PRUNE2: variants seen among roughly 807,000 people sequenced by gnomAD.
PRUNE2 encodes prune homolog 2 with BCH domain, also known as protein prune homolog 2.
In PRUNE2, 164 loss-of-function variants were observed where a neutral mutation model predicts 252.0. The observed-to-expected ratio is 0.65, with a 90% CI of 0.57 to 0.74. The LOEUF is 0.74. PRUNE2 is among the 30% of genes least tolerant of loss of function. The pLI, the probability that PRUNE2 is intolerant of heterozygous loss-of-function variation, is 0.00. For missense variants in PRUNE2, 3,495 were observed against 3,711.0 expected, an observed-to-expected ratio of 0.94 and a Z score of 1.51; for synonymous variants, 1,292 against 1,350.2, an observed-to-expected ratio of 0.96 and a Z score of 0.94.
At chr9:76,722,711 A>C (rs1487979586) in intron 6 of PRUNE2, among the ~76,000 whole-genome samples, 2 of 152,102 alleles carry the variant, frequency 1.3e-5, no homozygotes, top group African/African-American at 4.8e-5. Flanking sequence ...TGCCCCTGTG[A>C]GATAGGTAAC....
chr9:76,706,926 T>C lies in PRUNE2; in HGVS notation c.5348A>G (p.Glu1783Gly). ...TTCTGGAGAAGATCTCTTCTCCTTC[T>C]CCACTGCTGTAATCTGCATTTCAGT... ...TETEMQITAVEKEKRSSPETG... is the reference protein window; with the variant it reads ...TETEMQITAVGKEKRSSPETG... Residue 1783 changes from glutamate (E) to glycine (G), a missense_variant, in exon 8 of 19, where the codon GAG (glutamate) becomes GGG (glycine). Coordinates refer to ENST00000376718, the MANE Select transcript of PRUNE2 (RefSeq NM_015225.3). 1 of 1,608,264 alleles carries C rather than the reference T, an allele frequency of 6.2e-7. No individual in the cohort carries two copies. Among genetic ancestry groups the C allele is most frequent in the Non-Finnish European group, 8.5e-7 (1 of 1,176,922 alleles).
At chr9:76,702,197 T>C (rs150617730) in intron 9 of PRUNE2, among the ~76,000 whole-genome samples, 3,273 of 152,010 alleles carry the variant, frequency 0.022, 40 homozygotes, top group Middle Eastern at 0.031. Flanking sequence ...GTAGCTGGGA[T>C]TACAGGTGCT....
intron 9 of PRUNE2, among the ~76,000 whole-genome samples, chr9:76,657,058 C>G (rs111340353): frequency 2.6e-5 from 4 of 152,158 alleles, no homozygotes; most frequent in Admixed American, 2.0e-4. Context: ...AGATCTGCAC[C>G]AGGCCCCAGT....
chr9:76,763,365 T>C (rs956377685), intron 6 of PRUNE2, among the ~76,000 whole-genome samples: 2 of 152,208 alleles, frequency 1.3e-5, no homozygotes, highest in African/African-American at 4.8e-5. Flanking sequence ...TAAGTATTAA[T>C]AGGCTTTGCA....
chr9:76,695,029 TA>T (rs1010310423), intron 9 of PRUNE2, among the ~76,000 whole-genome samples: 1 of 152,142 alleles, frequency 6.6e-6, no homozygotes, highest in African/African-American at 2.4e-5. Context: ...TCCTCTCTAA[TA>T]AAAAAAGTTA....
chr9:76,711,377 A>G lies in PRUNE2; in HGVS notation c.916-19T>C. On this transcript the variant is annotated intron_variant, in intron 7 of 18. Coordinates refer to ENST00000376718, the MANE Select transcript of PRUNE2 (RefSeq NM_015225.3). ...AGCAAATCTGTCGGAAGGCACAGGAATTTGTGTCAGCACTCAAGCACTGTT... is the reference window on the plus strand; with the variant it reads ...AGCAAATCTGTCGGAAGGCACAGGAGTTTGTGTCAGCACTCAAGCACTGTT... 1.3e-6 allele frequency: 2 copies of G among 1,574,888 alleles called. No individual in the cohort carries two copies. The highest frequency in any genetic ancestry group is 1.7e-6 in the Non-Finnish European group (2 of 1,153,786).
rs543062727 is a variant in PRUNE2, at chr9:76,678,726, G to A, written c.8277-23224C>T. 3.3e-4 allele frequency among the ~76,000 whole-genome samples: 50 copies of A among 152,302 alleles called. No individual in the cohort carries two copies. The East Asian group carries it at 9.3e-3, about 28-fold the overall frequency. ...CGCCTGTAGTCCCAGCTACTTGGAG[G>A]CTGAGGCAGGAGAATGGTGTGAACC... On this transcript the variant is annotated intron_variant, in intron 9 of 18. Coordinates refer to ENST00000376718, the MANE Select transcript of PRUNE2 (RefSeq NM_015225.3).
chr9:76,664,655 G>A (rs767716255), intron 9 of PRUNE2, among the ~76,000 whole-genome samples: 4 of 152,014 alleles, frequency 2.6e-5, no homozygotes, highest in African/African-American at 4.8e-5. Context: ...CGAGTAGCTG[G>A]GATTACAGAC....
chr9:76,878,698 G>C (rs766436862), intron 1 of PRUNE2, among the ~76,000 whole-genome samples: 1 of 152,034 alleles, frequency 6.6e-6, no homozygotes. Context: ...ATTAGGATTA[G>C]AGCATTTCTT....
chr9:76,829,312 GA>G (rs1223199387), intron 4 of PRUNE2, among the ~76,000 whole-genome samples: 1 of 152,098 alleles, frequency 6.6e-6, no homozygotes, highest in Non-Finnish European at 1.5e-5. Flanking sequence ...CCAATAGGCT[GA>G]AAAAATTAGC....
chr9:76,697,199 C>T (rs1437164508), intron 9 of PRUNE2, among the ~76,000 whole-genome samples: 2 of 152,110 alleles, frequency 1.3e-5, no homozygotes, highest in African/African-American at 4.8e-5. Context: ...CAGAGAAGCA[C>T]CTTGGGTTTT....
rs2046426554 is a variant in PRUNE2 at position 76,707,938 on chromosome 9, T to A, written c.4336A>T (p.Thr1446Ser). The A allele has an allele frequency of 3.1e-6, 5 of 1,613,830 alleles. No individual in the cohort carries two copies. The highest frequency in any genetic ancestry group is 4.2e-6 in the Non-Finnish European group (5 of 1,179,870). The stretch of plus-strand genomic sequence containing the variant: ...TTTGTGAAATTCATCCCATCTGAAG[T>A]CTCAGTAGTTTCACCTGAATTTCTT... ...SQRNSGETTE[T>S]SDGMNFTKYV... Residue 1446 changes from threonine (T) to serine (S), a missense_variant, in exon 8 of 19, where the codon ACT becomes TCT. Coordinates refer to ENST00000376718, the MANE Select transcript of PRUNE2 (RefSeq NM_015225.3).
At chr9:76,823,770 AT>A (rs372566403) in intron 5 of PRUNE2, 44 bp from the exon 6 acceptor site, 11,223 of 1,066,460 alleles carry the variant, frequency 0.011, 5 homozygotes, top group South Asian at 0.015. Flanking sequence ...TACTTGAGGG[AT>A]TTTTTTTTTG....
chr9:76,805,835 G>A (rs940318072), intron 6 of PRUNE2, among the ~76,000 whole-genome samples: 3 of 152,170 alleles, frequency 2.0e-5, no homozygotes, highest in Non-Finnish European at 2.9e-5. Context: ...TGAATCAGAT[G>A]TCCCTGGACT....
At chr9:76,727,850 G>C (rs969086236) in intron 6 of PRUNE2, among the ~76,000 whole-genome samples, 5 of 150,920 alleles carry the variant, frequency 3.3e-5, no homozygotes, top group Non-Finnish European at 7.4e-5. Flanking sequence ...GAGTAACTGG[G>C]ACTACAGGTG....
chr9:76,899,626 C>A (rs1329268105), intron 1 of PRUNE2, among the ~76,000 whole-genome samples: 3 of 152,172 alleles, frequency 2.0e-5, no homozygotes, highest in African/African-American at 7.2e-5. Flanking sequence ...TCAGGTACTG[C>A]ACCAGAACCG....
intron 1 of PRUNE2, among the ~76,000 whole-genome samples, chr9:76,889,105 C>T (rs760966667): frequency 2.5e-4 from 38 of 152,100 alleles, no homozygotes; most frequent in Non-Finnish European, 4.0e-4. Context: ...CCCACCTCAG[C>T]CTCCCAAAGT....
intron 10 of PRUNE2, among the ~76,000 whole-genome samples, chr9:76,653,562 T>C (rs1848192926): frequency 1.3e-5 from 2 of 152,162 alleles, no homozygotes; most frequent in Non-Finnish European, 2.9e-5. Flanking sequence ...AATCCACGGA[T>C]TTGGAACCAT....
chr9:76,837,470 ATAATAATGC>A (rs1466909366), intron 4 of PRUNE2, among the ~76,000 whole-genome samples: 5 of 65,250 alleles, frequency 7.7e-5, no homozygotes, highest in Non-Finnish European at 1.5e-4. Flanking sequence ...AATAATAATA[ATAATAATGC>A]TATTAAAGCA....
Sources: allele counts gnomAD v4.1 joint callset (sites outside exome capture counted in the v4.1 genomes callset), GRCh38; gene constraint gnomAD v4.1.1; transcripts MANE v1.5; gene names NCBI Gene and HGNC (gene_info 2026-07-23, HGNC 2026-07-21).